The following DLG2 variants were observed in gnomAD, a reference collection of about 807,000 sequenced individuals.
DLG2 encodes discs large MAGUK scaffold protein 2, also known as disks large homolog 2.
In DLG2, 45 loss-of-function variants were observed where a neutral mutation model predicts 132.5. The ratio of observed to expected loss-of-function variants is 0.34; its 90% CI spans 0.27 to 0.44. The LOEUF (loss-of-function observed/expected upper bound fraction) is 0.44, where lower values mean the gene tolerates loss of function less well. Ranked by LOEUF, DLG2 falls within the 20% of genes least tolerant of loss-of-function variation. The pLI is 1.00. For missense variants in DLG2, 1,045 were observed against 1,196.9 expected (o/e 0.87, Z 1.87); for synonymous variants, 424 against 419.6 (o/e 1.01, Z -0.13).
At chr11:83,982,450 G>A (rs570510611) in intron 11 of DLG2, among the ~76,000 whole-genome samples, 1 of 132,426 alleles carries the variant, frequency 7.6e-6, no homozygotes, top group Admixed American at 8.6e-5. Context: ...GTGTGTTTGT[G>A]TCTTCATTTT....
chr11:85,115,819 C>G (rs1190851132), intron 5 of DLG2, among the ~76,000 whole-genome samples: 1 of 151,896 alleles, frequency 6.6e-6, no homozygotes, highest in African/African-American at 2.4e-5. Flanking sequence ...ACCTCAGAAT[C>G]CCAGGACTGA....
intron 3 of DLG2, among the ~76,000 whole-genome samples, chr11:85,525,823 A>G (rs1241371748): frequency 2.0e-5 from 3 of 152,188 alleles, no homozygotes; most frequent in Non-Finnish European, 4.4e-5. Flanking sequence ...GGGAATCTGC[A>G]GAGATCAAGG....
intron 3 of DLG2, among the ~76,000 whole-genome samples, chr11:85,577,711 A>T (rs1449833702): frequency 6.6e-6 from 1 of 152,116 alleles, no homozygotes; most frequent in African/African-American, 2.4e-5. Flanking sequence ...AATTTTTTTA[A>T]AAATGAGGTA....
At chr11:84,536,261 A>G (rs565547718) in intron 6 of DLG2, among the ~76,000 whole-genome samples, 1 of 152,298 alleles carries the variant, frequency 6.6e-6, no homozygotes, top group East Asian at 1.9e-4. Flanking sequence ...AAGTTAAGGT[A>G]CTTGTCAAGA....
chr11:84,906,740 T>A (rs1419055647), intron 6 of DLG2, among the ~76,000 whole-genome samples: 1 of 152,048 alleles, frequency 6.6e-6, no homozygotes, highest in African/African-American at 2.4e-5. Context: ...ATGGAAATAG[T>A]GAGGCCAAGG....
rs537719655 is a variant in DLG2, at chr11:85,213,785, G to A, written c.187-59134C>T. Among the ~76,000 whole-genome samples, 674 of 152,150 alleles carry A rather than the reference G, an allele frequency of 4.4e-3. 5 individuals carry two copies. Among genetic ancestry groups the A allele is most frequent in the Non-Finnish European group, 5.0e-3 (339 of 67,994 alleles). On this transcript the variant is annotated intron_variant, in intron 4 of 27. Transcript: ENST00000376104. ...TATGTCTCAACTTTGGAATGCCCTT[G>A]GTGGACAGGAAGGGTATGTTCAGGT...
chr11:84,461,485 T>A (rs368827582), intron 7 of DLG2, among the ~76,000 whole-genome samples: 12 of 151,110 alleles, frequency 7.9e-5, no homozygotes, highest in East Asian at 7.8e-4. Flanking sequence ...TTTTAAATTA[T>A]GCTTTCCGAT....
At chr11:83,731,054 C>T (rs115072780) in intron 18 of DLG2, among the ~76,000 whole-genome samples, 154 of 152,302 alleles carry the variant, frequency 1.0e-3, no homozygotes, top group African/African-American at 3.6e-3. Context: ...GTATACTCAT[C>T]GGCATTAAGT....
intron 4 of DLG2, among the ~76,000 whole-genome samples, chr11:85,199,062 A>G (rs72945969): frequency 0.01 from 1,551 of 152,318 alleles, 12 homozygotes; most frequent in Non-Finnish European, 0.015. Flanking sequence ...CCACTCCTAG[A>G]CATTTACCCA....
In DLG2 at chr11:83,724,476, T is replaced by TGAGAGAGAGAGAGA. The variant is rs59782952; in HGVS notation, c.1825+62200_1825+62213dup. Among the ~76,000 whole-genome samples the TGAGAGAGAGAGAGA allele has an allele frequency of 3.8e-3, 452 of 118,176 alleles. 1 individual carries two copies. The highest frequency in any genetic ancestry group is 0.012 in the East Asian group (46 of 3,704). 77.5% of individuals were successfully genotyped at this position (118,176 alleles called of 152,430 possible). A position where few individuals can be genotyped will look rare whatever the true frequency, so the allele number is the denominator to read the frequency against. Reference sequence around the variant, plus strand: ...CTCTCTCCGTGTGTGTGTGTGTGTGTGAGAGAGAGAGAGAGAGAGAGAGAG... The same window carrying TGAGAGAGAGAGAGA: ...CTCTCTCCGTGTGTGTGTGTGTGTGTGAGAGAGAGAGAGAGAGAGAGAGAGAGAGAGAGAGAGAG... On this transcript the variant is annotated intron_variant, in intron 18 of 27. Transcript: ENST00000376104.
chr11:85,099,020 A>G (rs534649607), intron 6 of DLG2, among the ~76,000 whole-genome samples: 1 of 152,184 alleles, frequency 6.6e-6, no homozygotes, highest in Non-Finnish European at 1.5e-5. Context: ...CAGGCAAAGG[A>G]CTATGCTGCC....
chr11:85,489,710 A>T (rs539961462), intron 3 of DLG2, among the ~76,000 whole-genome samples: 1 of 152,312 alleles, frequency 6.6e-6, no homozygotes, highest in African/African-American at 2.4e-5. Flanking sequence ...AAATCATATC[A>T]AGTATCTTCT....
At chr11:84,552,124 A>G (rs184303980) in intron 6 of DLG2, among the ~76,000 whole-genome samples, 204 of 152,306 alleles carry the variant, frequency 1.3e-3, no homozygotes, top group Non-Finnish European at 2.2e-3. Flanking sequence ...AGTACATTTT[A>G]CCAAGTGAAT....
At chr11:85,588,193 T>A (rs1225823430) in intron 3 of DLG2, among the ~76,000 whole-genome samples, 1 of 152,194 alleles carries the variant, frequency 6.6e-6, no homozygotes, top group Non-Finnish European at 1.5e-5. Flanking sequence ...AATGATCTTT[T>A]TGTGATGAAT....
At chr11:85,260,761 G>T (rs1043446218) in intron 4 of DLG2, among the ~76,000 whole-genome samples, 1 of 152,072 alleles carries the variant, frequency 6.6e-6, no homozygotes, top group Admixed American at 6.5e-5. Context: ...TCCTATTAAA[G>T]TTTCCAAAAA....
intron 7 of DLG2, among the ~76,000 whole-genome samples, chr11:84,364,245 C>T (rs1468282786): frequency 6.6e-6 from 1 of 151,968 alleles, no homozygotes; most frequent in Non-Finnish European, 1.5e-5. Flanking sequence ...AAGTTGGATT[C>T]CTAGGTATTT....
intron 4 of DLG2, among the ~76,000 whole-genome samples, chr11:85,167,746 A>C (rs1196655777): frequency 6.6e-6 from 1 of 152,020 alleles, no homozygotes; most frequent in African/African-American, 2.4e-5. Flanking sequence ...GTCATGTAAA[A>C]CTTATGTTAA....
At chr11:85,241,306 A>C (rs969339077) in intron 4 of DLG2, among the ~76,000 whole-genome samples, 2 of 151,878 alleles carry the variant, frequency 1.3e-5, no homozygotes, top group African/African-American at 4.8e-5. Context: ...GGGAGGGATT[A>C]ATAGTAGACA....
intron 6 of DLG2, among the ~76,000 whole-genome samples, chr11:85,005,940 T>C (rs564144585): frequency 2.6e-5 from 4 of 152,338 alleles, no homozygotes; most frequent in South Asian, 2.1e-4. Flanking sequence ...TGAAGGACTG[T>C]TGAATTTTAT....
Sources: allele counts gnomAD v4.1 joint callset (sites outside exome capture counted in the v4.1 genomes callset), GRCh38; gene constraint gnomAD v4.1.1; transcripts MANE v1.5; gene names NCBI Gene and HGNC (gene_info 2026-07-23, HGNC 2026-07-21).